GRIK3: variants seen among roughly 807,000 people sequenced by gnomAD.
GRIK3 encodes glutamate ionotropic receptor kainate type subunit 3.
A neutral mutation model predicts 102.5 loss-of-function variants in GRIK3; 29 were observed. The ratio of observed to expected loss-of-function variants is 0.28; its 90% CI spans 0.21 to 0.39. GRIK3 has a LOEUF of 0.39. Among genes scored for constraint, GRIK3 ranks in the 10% least tolerant of loss-of-function variants. The pLI, the probability that GRIK3 is intolerant of heterozygous loss-of-function variation, is 1.00. For missense variants in GRIK3, 908 were observed against 1,252.4 expected, an observed-to-expected ratio of 0.73 and a Z score of 4.15; for synonymous variants, 511 against 504.9, an observed-to-expected ratio of 1.01 and a Z score of -0.16.
intron 1 of GRIK3, among the ~76,000 whole-genome samples, chr1:36,971,096 C>A (rs144596113): frequency 6.6e-6 from 1 of 152,168 alleles, no homozygotes. Flanking sequence ...CCAGGACATG[C>A]TTAGTCTGGC....
chr1:36,997,587 GC>G (rs1314926293), intron 1 of GRIK3, among the ~76,000 whole-genome samples: 1 of 152,190 alleles, frequency 6.6e-6, no homozygotes, highest in Non-Finnish European at 1.5e-5. Flanking sequence ...CGGTGGAGGT[GC>G]CCCCAGGCAG....
intron 1 of GRIK3, 78 bp downstream of exon 1, chr1:37,033,916 C>T: frequency 1.3e-6 from 1 of 760,290 alleles, no homozygotes; most frequent in Middle Eastern, 2.5e-4. Context: ...GAAAATCTCT[C>T]CGGAACGCGT....
intron 1 of GRIK3, among the ~76,000 whole-genome samples, chr1:37,024,383 C>T (rs1018562764): frequency 3.3e-5 from 5 of 151,952 alleles, no homozygotes; most frequent in African/African-American, 1.2e-4. Flanking sequence ...CGGCTGTGTT[C>T]TAAGCACTTC....
At chr1:36,860,972 A>G (rs1415020329) in intron 5 of GRIK3, among the ~76,000 whole-genome samples, 1 of 152,184 alleles carries the variant, frequency 6.6e-6, no homozygotes, top group Non-Finnish European at 1.5e-5. Flanking sequence ...TACTTGTTAA[A>G]AGCTCAGACT....
intron 1 of GRIK3, among the ~76,000 whole-genome samples, chr1:36,999,043 C>T (rs145758716): frequency 0.018 from 2,788 of 151,658 alleles, 49 homozygotes; most frequent in Middle Eastern, 0.058. Context: ...AGGGAAGGAG[C>T]AGGGATGGGC....
chr1:36,948,435 T>C (rs1475904785), intron 1 of GRIK3, among the ~76,000 whole-genome samples: 1 of 152,100 alleles, frequency 6.6e-6, no homozygotes, highest in East Asian at 1.9e-4. Context: ...GCTTCTAAGA[T>C]GGAGGGGGAA....
intron 1 of GRIK3, among the ~76,000 whole-genome samples, chr1:37,006,354 C>T (rs148538876): frequency 7.9e-4 from 121 of 152,342 alleles, no homozygotes; most frequent in African/African-American, 2.5e-3. Context: ...CTGGCAAGGC[C>T]TAAATATAGC....
At chr1:36,818,512 G>A (rs1642655373) in intron 12 of GRIK3, among the ~76,000 whole-genome samples, 1 of 152,246 alleles carries the variant, frequency 6.6e-6, no homozygotes, top group Non-Finnish European at 1.5e-5. Context: ...AGGGAGAGCA[G>A]CTTATTTGAG....
chr1:36,989,635 C>T (rs1642343954), intron 1 of GRIK3, among the ~76,000 whole-genome samples: 2 of 152,134 alleles, frequency 1.3e-5, no homozygotes, highest in Non-Finnish European at 2.9e-5. Context: ...CCTGGGGGAC[C>T]AAGTCTGGGC....
chr1:36,808,582 C>T (rs1642525617), intron 13 of GRIK3, among the ~76,000 whole-genome samples: 1 of 152,158 alleles, frequency 6.6e-6, no homozygotes, highest in South Asian at 2.1e-4. Flanking sequence ...AGTTCAGTCA[C>T]CTGGGGGGAG....
rs1056149332 is a variant in GRIK3, at chr1:36,872,677, T to A, written c.551-308A>T. ...CACACAGTGGTGCAGTACACACATA[T>A]GTAGATTCAAAAGTAGGCACAGATA... On this transcript the variant is annotated intron_variant, in intron 3 of 15. Coordinates refer to ENST00000373091, the MANE Select transcript of GRIK3 (RefSeq NM_000831.4). This position sits in a 1 kb window ranked among gnomAD's most constrained non-coding sequence, Gnocchi z 5.9. Among the ~76,000 whole-genome samples, 1 of 152,184 alleles carries A rather than the reference T, an allele frequency of 6.6e-6. No individual in the cohort carries two copies. The highest frequency in any genetic ancestry group is 6.5e-5 in the Admixed American group (1 of 15,282).
chr1:36,860,069 C>A, intron 5 of GRIK3, 52 bp from the exon 6 acceptor site: 1 of 1,394,692 alleles, frequency 7.2e-7, no homozygotes, highest in South Asian at 1.4e-5. Flanking sequence ...GCTGAGAACT[C>A]CAGCCCCGCC....
At chr1:36,974,014 C>G (rs1642170746) in intron 1 of GRIK3, among the ~76,000 whole-genome samples, 1 of 152,142 alleles carries the variant, frequency 6.6e-6, no homozygotes, top group African/African-American at 2.4e-5. Flanking sequence ...AGTGAGATGA[C>G]TCTGTGGTGT....
At chr1:36,858,039 T>G (rs1372809404) in intron 7 of GRIK3, among the ~76,000 whole-genome samples, 2 of 152,204 alleles carry the variant, frequency 1.3e-5, no homozygotes, top group Admixed American at 1.3e-4. Flanking sequence ...CCGCTGTGAT[T>G]GTTACAGAGA....
Position 36,806,487 on chromosome 1 carries a change from C to T in GRIK3, c.2092-161G>A, listed in dbSNP as rs1174044391. On this transcript the variant is annotated intron_variant, in intron 13 of 15. Coordinates refer to ENST00000373091, the MANE Select transcript of GRIK3 (RefSeq NM_000831.4). The surrounding 1 kb of genome is among the most constrained non-coding windows in gnomAD (Gnocchi z 4.0). ...TGCTCAGATATAGAAATTGAGGCCC[C>T]GGGGCAAAGGTCCCCAAACACACAG... Among the ~76,000 whole-genome samples the T allele has an allele frequency of 3.3e-5, 5 of 152,080 alleles. No homozygotes were observed. Among genetic ancestry groups the T allele is most frequent in the East Asian group, 1.9e-4 (1 of 5,192 alleles).
chr1:36,911,663 T>C (rs896606867), intron 1 of GRIK3, among the ~76,000 whole-genome samples: 6 of 152,042 alleles, frequency 3.9e-5, no homozygotes, highest in Admixed American at 3.9e-4. Context: ...CTCAGGGACA[T>C]GCAAGTCAAA....
chr1:36,817,705 G>A (rs1368749591), intron 12 of GRIK3, among the ~76,000 whole-genome samples: 5 of 152,154 alleles, frequency 3.3e-5, no homozygotes, highest in African/African-American at 7.2e-5. Flanking sequence ...TTGGGTTCTC[G>A]AGTGAATCCT....
chr1:36,841,071 T>G (rs1051013934), intron 10 of GRIK3, among the ~76,000 whole-genome samples: 1 of 152,132 alleles, frequency 6.6e-6, no homozygotes, highest in African/African-American at 2.4e-5. Context: ...TCCTAATTCC[T>G]CCCTTGTGGT....
At chr1:36,978,351 A>G (rs537606921) in intron 1 of GRIK3, among the ~76,000 whole-genome samples, 1 of 152,316 alleles carries the variant, frequency 6.6e-6, no homozygotes, top group South Asian at 2.1e-4. Context: ...GTCCAACCAT[A>G]TTTTGAGTCT....
Sources: allele counts gnomAD v4.1 joint callset (sites outside exome capture counted in the v4.1 genomes callset), GRCh38; gene constraint gnomAD v4.1.1; non-coding constraint Gnocchi (gnomAD v3.1); transcripts MANE v1.5; gene names NCBI Gene and HGNC (gene_info 2026-07-23, HGNC 2026-07-21).